ZFYVE16: variants seen among roughly 807,000 people sequenced by gnomAD.
ZFYVE16 encodes the protein zinc finger FYVE-type containing 16.
ZFYVE16 carries 89 observed loss-of-function variants against 138.1 expected under a neutral mutation model. The ratio of observed to expected loss-of-function variants is 0.64; its 90% CI spans 0.54 to 0.77. ZFYVE16 has a LOEUF of 0.77. Ranked by LOEUF, ZFYVE16 falls within the 30% of genes least tolerant of loss-of-function variation. The pLI is 0.00. For missense variants in ZFYVE16, 1,793 were observed against 1,786.7 expected, an observed-to-expected ratio of 1.00 and a Z score of -0.06; for synonymous variants, 596 against 618.3, an observed-to-expected ratio of 0.96 and a Z score of 0.53.
At chr5:80,430,124 A>T (rs1049681029) in intron 2 of ZFYVE16, among the ~76,000 whole-genome samples, 3 of 152,216 alleles carry the variant, frequency 2.0e-5, no homozygotes, top group Non-Finnish European at 4.4e-5. Context: ...ACCCCAAATC[A>T]ACAGAATATA....
chr5:80,450,626 G>C (rs1339069440), intron 10 of ZFYVE16, 40 bp downstream of exon 10: 4 of 1,580,238 alleles, frequency 2.5e-6, no homozygotes, highest in Non-Finnish European at 3.4e-6. Context: ...CTGGGGAATG[G>C]ATAAATTAGT....
intron 2 of ZFYVE16, 22 bp from the exon 3 acceptor site, chr5:80,434,087 T>C: frequency 6.8e-7 from 1 of 1,467,864 alleles, no homozygotes; most frequent in South Asian, 1.2e-5. Flanking sequence ...AATGAAATAT[T>C]ATTATACTTT....
intron 11 of ZFYVE16, 47 bp downstream of exon 11, chr5:80,451,756 G>C (rs201242357): frequency 6.7e-7 from 1 of 1,488,298 alleles, no homozygotes; most frequent in Non-Finnish European, 9.2e-7. Flanking sequence ...CAAATATACT[G>C]AATGTAAAGA....
chr5:80,413,482 A>AAAAAG (rs1554035588), intron 1 of ZFYVE16, among the ~76,000 whole-genome samples: 1 of 142,266 alleles, frequency 7.0e-6, no homozygotes, highest in East Asian at 1.9e-4. Flanking sequence ...AAAAAAAAAA[A>AAAAAG]AAAGAAAAAA....
intron 1 of ZFYVE16, chr5:80,409,773 T>A (rs1210666658): frequency 6.6e-6 from 1 of 152,226 alleles, no homozygotes; most frequent in Non-Finnish European, 1.5e-5. Flanking sequence ...GCTGAAAGGC[T>A]CCTGGGGACA....
chr5:80,428,116 C>T (rs528861343), intron 2 of ZFYVE16, among the ~76,000 whole-genome samples: 3 of 152,108 alleles, frequency 2.0e-5, no homozygotes, highest in East Asian at 3.9e-4. Flanking sequence ...CAGCGGTTCT[C>T]CCAGCACGGA....
rs769497250 is a variant in ZFYVE16 at position 80,477,347 on chromosome 5, A to C, written c.4590A>C (p.Leu1530Phe). Residue 1530 changes from leucine to phenylalanine, a missense_variant, in exon 19 of 19, where the codon TTA (leucine) becomes TTC (phenylalanine). Physicochemically the swap from Leu to Phe is conservative, Grantham distance 22 (BLOSUM62 0). Transcript: ENST00000505560. ...SNSSLPLEIE[L>F]VFFIIEHLF ...CTAGTTTACCATTAGAAATAGAATT[A>C]GTGTTTTTCATTATAGAACATCTTT... The C allele has an allele frequency of 6.8e-6, 11 of 1,608,150 alleles. No individual in the cohort carries two copies. The highest frequency in any genetic ancestry group is 8.5e-6 in the Non-Finnish European group (10 of 1,178,160).
At chr5:80,424,584 C>T (rs1747722975) in intron 1 of ZFYVE16, among the ~76,000 whole-genome samples, 1 of 151,838 alleles carries the variant, frequency 6.6e-6, no homozygotes, top group South Asian at 2.1e-4. Context: ...GCCTCAGTTA[C>T]CTAAGTAACT....
At chr5:80,427,887 G>T (rs887130561) in intron 2 of ZFYVE16, among the ~76,000 whole-genome samples, 1 of 144,524 alleles carries the variant, frequency 6.9e-6, no homozygotes, top group South Asian at 2.2e-4. Context: ...CAGGAGAATC[G>T]CTTGAACCTG....
At position 80,434,728 on chromosome 5, in the gene ZFYVE16, A is replaced by T. The variant is rs543706770; in HGVS notation, c.70+511A>T. On this transcript the variant is annotated intron_variant, in intron 3 of 18. Coordinates refer to ENST00000505560, the MANE Select transcript of ZFYVE16 (RefSeq NM_001284236.3). ...TCAAGTGATCCTCCTGCTTCAGCCTACCAAAATGTTGGGATTATAGGCATG... is the reference window on the plus strand; with the variant it reads ...TCAAGTGATCCTCCTGCTTCAGCCTTCCAAAATGTTGGGATTATAGGCATG... 9.2e-5 allele frequency among the ~76,000 whole-genome samples: 14 copies of T among 152,130 alleles called. No individual in the cohort carries two copies. The South Asian group carries it at 2.9e-3, about 32-fold the overall frequency.
intron 15 of ZFYVE16, among the ~76,000 whole-genome samples, chr5:80,465,396 C>CTTT (rs1187412933): frequency 1.9e-4 from 5 of 26,394 alleles, no homozygotes; most frequent in African/African-American, 3.4e-4. Context: ...TTTTCCTTTT[C>CTTT]TTTGTTTTTT....
Position 80,449,653 on chromosome 5 carries a change from T to A in ZFYVE16, c.3166T>A (p.Phe1056Ile). 1 of 1,610,266 alleles carries A rather than the reference T, an allele frequency of 6.2e-7. No homozygotes were observed. Among genetic ancestry groups the A allele is most frequent in the South Asian group, 1.1e-5 (1 of 90,528 alleles). Residue 1056 changes from phenylalanine to isoleucine, a missense_variant, in exon 9 of 19, where the codon TTT (phenylalanine) becomes ATT (isoleucine). By Grantham distance (21) the Phe-to-Ile change is conservative (BLOSUM62 0). Around this residue, in one of 2 missense-constraint regions of ZFYVE16, gnomAD observed 498 missense variants for 582.4 expected, o/e 0.86. Transcript: ENST00000505560. The part of the protein sequence containing the change: ...QIILLLEGES[F>I]HPVTFVLNAN... ...CATTTTGCTTCTTGAAGGTGAAAGC[T>A]TTCATCCTGTTACATTTGTCCTAAA...
rs781268324 is a variant in ZFYVE16 at position 80,457,112 on chromosome 5, G to C, written c.3943+20G>C. The C allele has an allele frequency of 1.2e-5, 20 of 1,604,356 alleles. No individual in the cohort carries two copies. The highest frequency in any genetic ancestry group is 1.7e-5 in the Admixed American group (1 of 57,594). ...GAAAAGGTGAGCATCTTGGTTCCTAGTGCTAATTTACAAAACCACCTCAAT... is the reference window on the plus strand; with the variant it reads ...GAAAAGGTGAGCATCTTGGTTCCTACTGCTAATTTACAAAACCACCTCAAT... On this transcript the variant is annotated intron_variant, in intron 14 of 18. Transcript: ENST00000505560.
At chr5:80,432,233 A>G (rs1274255234) in intron 2 of ZFYVE16, among the ~76,000 whole-genome samples, 1 of 152,192 alleles carries the variant, frequency 6.6e-6, no homozygotes, top group Non-Finnish European at 1.5e-5. Flanking sequence ...GTACCAAAAC[A>G]GAGATATAGA....
Position 80,439,931 on chromosome 5 carries a change from T to C in ZFYVE16, c.2323-5T>C, listed in dbSNP as rs1750477104. Reference sequence around the variant, plus strand: ...AAGACAAATTTGATATTTTATTCTTTATAGGTATTTTGTGGTGTCTGTTGT... The same window carrying C: ...AAGACAAATTTGATATTTTATTCTTCATAGGTATTTTGTGGTGTCTGTTGT... On this transcript the variant is annotated splice_polypyrimidine_tract_variant and splice_region_variant and intron_variant, in intron 4 of 18. Coordinates refer to ENST00000505560, the MANE Select transcript of ZFYVE16 (RefSeq NM_001284236.3). 4 of 1,601,712 alleles carry C rather than the reference T, an allele frequency of 2.5e-6. No individual in the cohort carries two copies. Among genetic ancestry groups the C allele is most frequent in the Middle Eastern group, 1.7e-4 (1 of 6,012 alleles).
At chr5:80,448,427 T>A (rs997038876) in intron 8 of ZFYVE16, 23 bp downstream of exon 8, 18 of 1,437,844 alleles carry the variant, frequency 1.3e-5, no homozygotes, top group Non-Finnish European at 1.5e-5. Flanking sequence ...TTATTTAAAT[T>A]TAAAAAGATT....
Position 80,472,874 on chromosome 5 carries a change from G to T in ZFYVE16, c.4138G>T (p.Glu1380Ter), listed in dbSNP as rs1407160401. ...CGKVDAVDLREYVDICWVDAE... is the reference protein window; with the variant it reads ...CGKVDAVDLR ...GAAAGTTGATGCAGTAGACCTGAGA[G>T]AATACGTGGATATCTGCTGGGTAGA... Residue 1380 changes from glutamate to a stop codon, truncating the protein, a stop_gained, in exon 16 of 19, where the codon GAA becomes TAA. Transcript: ENST00000505560. LOFTEE classifies it high-confidence loss of function. 6.2e-7 allele frequency: 1 copy of T among 1,613,818 alleles called. No homozygotes were observed.
At chr5:80,453,682 C>T (rs904336908) in intron 11 of ZFYVE16, among the ~76,000 whole-genome samples, 1 of 151,940 alleles carries the variant, frequency 6.6e-6, no homozygotes, top group African/African-American at 2.4e-5. Context: ...TTGTTGGTGC[C>T]CATGTCTTTT....
In ZFYVE16 at chr5:80,478,462, T is replaced by A. The variant is rs1203488664; in HGVS notation, c.*1085T>A. On this transcript the variant is annotated 3_prime_UTR_variant, in exon 19 of 19. Coordinates refer to ENST00000505560, the MANE Select transcript of ZFYVE16 (RefSeq NM_001284236.3). ...TTAACATAAGTTAAATCCTATGTAT[T>A]TGAAATTGTTACAGAGCTTTCCTCT... 1 of 152,108 alleles carries A rather than the reference T, an allele frequency of 6.6e-6. No homozygotes were observed. Among genetic ancestry groups the A allele is most frequent in the African/African-American group, 2.4e-5 (1 of 41,446 alleles). 9.4% of individuals were successfully genotyped at this position (152,108 alleles called of 1,614,324 possible).
Sources: gnomAD v4.1 joint callset for allele counts (sites outside exome capture counted in the v4.1 genomes callset) on GRCh38, gnomAD v4.1.1 for gene constraint, gnomAD v4.1.1 regional missense constraint, MANE v1.5 for transcripts, NCBI Gene and HGNC (gene_info 2026-07-23, HGNC 2026-07-21) for gene names.